FMN2: variants seen among roughly 807,000 people sequenced by gnomAD.
The protein encoded by FMN2 is formin-2.
In FMN2, 51 loss-of-function variants were observed where a neutral mutation model predicts 142.3. The ratio of observed to expected loss-of-function variants is 0.36; its 90% CI spans 0.29 to 0.45. The LOEUF (loss-of-function observed/expected upper bound fraction) is 0.45, where lower values mean the gene tolerates loss of function less well. FMN2 is among the 20% of genes least tolerant of loss of function. The pLI is 1.00. For missense variants in FMN2, 1,936 were observed against 2,122.8 expected (o/e 0.91, Z 1.73); for synonymous variants, 882 against 869.8 (o/e 1.01, Z -0.25).
At chr1:240,212,527 C>T (rs1311332993) in intron 6 of FMN2, among the ~76,000 whole-genome samples, 1 of 152,128 alleles carries the variant, frequency 6.6e-6, no homozygotes, top group African/African-American at 2.4e-5. Context: ...AATTAATCAG[C>T]TGACTAAGGG....
chr1:240,448,709 T>C (rs1011978285), intron 16 of FMN2, among the ~76,000 whole-genome samples: 2 of 152,046 alleles, frequency 1.3e-5, no homozygotes, highest in African/African-American at 4.8e-5. Flanking sequence ...TGGTCCCAGC[T>C]ACTTGGGAGG....
chr1:240,115,739 C>T (rs960512085), intron 1 of FMN2, among the ~76,000 whole-genome samples: 1 of 152,136 alleles, frequency 6.6e-6, no homozygotes, highest in African/African-American at 2.4e-5. Context: ...TGGCTTCCCT[C>T]AGGAAGCAAT....
chr1:240,402,585 T>C (rs1338776161), intron 15 of FMN2, among the ~76,000 whole-genome samples: 1 of 152,230 alleles, frequency 6.6e-6, no homozygotes, highest in African/African-American at 2.4e-5. Context: ...CGGCAGAATA[T>C]TGTTAAGGTT....
chr1:240,144,397 G>A (rs1228000093), intron 2 of FMN2: 24 of 1,605,878 alleles, frequency 1.5e-5, no homozygotes, highest in Non-Finnish European at 2.0e-5. Context: ...AGAAGTTGCT[G>A]TTGAGCTGTA....
chr1:240,390,532 A>G (rs1180870171), intron 14 of FMN2, among the ~76,000 whole-genome samples: 1 of 152,208 alleles, frequency 6.6e-6, no homozygotes, highest in Non-Finnish European at 1.5e-5. Flanking sequence ...GAAAAGCTGT[A>G]TGTGTTTTCT....
At chr1:240,218,562 T>TG (rs1553343154) in intron 6 of FMN2, among the ~76,000 whole-genome samples, 1 of 147,820 alleles carries the variant, frequency 6.8e-6, no homozygotes, top group East Asian at 2.0e-4. Context: ...ATCTCATCTC[T>TG]AAAAAAAAAA....
intron 14 of FMN2, among the ~76,000 whole-genome samples, chr1:240,392,115 G>GT (rs577730785): frequency 0.16 from 22,937 of 145,834 alleles, 2,166 homozygotes; most frequent in African/African-American, 0.28. Context: ...TCTGTTTAGG[G>GT]TTTTTTTTTT....
At chr1:240,204,751 C>CA (rs545441611) in intron 4 of FMN2, among the ~76,000 whole-genome samples, 240 of 145,832 alleles carry the variant, frequency 1.6e-3, no homozygotes, top group Middle Eastern at 7.0e-3. Flanking sequence ...AACTCCGTCG[C>CA]AAAAAAAAAA....
At chr1:240,220,491 C>T (rs915999067) in intron 6 of FMN2, among the ~76,000 whole-genome samples, 14 of 152,062 alleles carry the variant, frequency 9.2e-5, no homozygotes, top group Admixed American at 7.9e-4. Context: ...GAGAAGGGCC[C>T]TTTAAGGATC....
rs750828105 is a variant in FMN2, at chr1:240,329,394, C to T, written c.4363C>T (p.Leu1455=). The T allele has an allele frequency of 3.7e-6, 6 of 1,614,054 alleles. No homozygotes were observed. Among genetic ancestry groups the T allele is most frequent in the Non-Finnish European group, 3.4e-6 (4 of 1,179,954 alleles). ...PNFSERVFCI[L]FQSTFSESIC... ...CTTTTCAGAGCGAGTCTTTTGCATC[C>T]TGTTCCAGTCCACATTTTCAGAAAG... is the stretch of plus-strand genomic sequence containing the variant. The change falls in exon 10 of 18, where the codon CTG becomes TTG. Residue 1455 remains leucine, a synonymous_variant. Coordinates refer to ENST00000319653, the MANE Select transcript of FMN2 (RefSeq NM_020066.5).
At chr1:240,105,415 T>A (rs966027095) in intron 1 of FMN2, among the ~76,000 whole-genome samples, 2 of 152,156 alleles carry the variant, frequency 1.3e-5, no homozygotes, top group Non-Finnish European at 2.9e-5. Flanking sequence ...GGCCTCCATA[T>A]AAATTTAGAA....
At chr1:240,464,970 G>T (rs1253664209) in intron 16 of FMN2, among the ~76,000 whole-genome samples, 3 of 152,134 alleles carry the variant, frequency 2.0e-5, no homozygotes, top group Admixed American at 2.0e-4. Flanking sequence ...ATAAATAGGT[G>T]CCTGAGGAAG....
chr1:240,361,141 GTATATATATATATATA>G lies in FMN2; in HGVS notation c.4858+5262_4858+5277del, dbSNP rs202070560. Among the ~76,000 whole-genome samples, 66 of 43,240 alleles carry G rather than the reference GTATATATATATATATA, an allele frequency of 1.5e-3. 1 individual carries two copies. The highest frequency in any genetic ancestry group is 0.016 in the Middle Eastern group (1 of 64). 28.4% of individuals were successfully genotyped at this position (43,240 alleles called of 152,430 possible). ...ATAATAATAATAAATAAATATATGT[GTATATATATATATATA>G]TATATATATATATATATATATATAT... On this transcript the variant is annotated intron_variant, in intron 14 of 17. Transcript: ENST00000319653.
intron 8 of FMN2, among the ~76,000 whole-genome samples, chr1:240,301,333 AT>A: frequency 6.6e-6 from 1 of 151,860 alleles, no homozygotes; most frequent in South Asian, 2.1e-4. Context: ...CTCCTGCTCC[AT>A]TTAACTTATT....
chr1:240,376,597 G>A (rs1490697383), intron 14 of FMN2, among the ~76,000 whole-genome samples: 1 of 151,936 alleles, frequency 6.6e-6, no homozygotes, highest in Non-Finnish European at 1.5e-5. Flanking sequence ...CATAACAACT[G>A]TTTACATAGT....
intron 16 of FMN2, among the ~76,000 whole-genome samples, chr1:240,449,380 A>G (rs1675929172): frequency 1.3e-5 from 2 of 152,104 alleles, no homozygotes; most frequent in Admixed American, 1.3e-4. Context: ...TGCTTGCCAT[A>G]CAAGGTTGGC....
At chr1:240,357,298 C>G (rs1342814715) in intron 14 of FMN2, among the ~76,000 whole-genome samples, 1 of 152,148 alleles carries the variant, frequency 6.6e-6, no homozygotes, top group Admixed American at 6.5e-5. Context: ...CACTCTTATT[C>G]TTGGTCACAT....
chr1:240,450,891 C>T (rs1676014291), intron 16 of FMN2, among the ~76,000 whole-genome samples: 1 of 152,182 alleles, frequency 6.6e-6, no homozygotes, highest in Non-Finnish European at 1.5e-5. Flanking sequence ...CAAGCCACCT[C>T]CACCATGGCG....
intron 16 of FMN2, among the ~76,000 whole-genome samples, chr1:240,454,367 C>T (rs994655707): frequency 6.6e-6 from 1 of 152,064 alleles, no homozygotes; most frequent in Admixed American, 6.6e-5. Flanking sequence ...CATGGCAAAA[C>T]CCCATATCTA....
Sources: allele counts gnomAD v4.1 joint callset (sites outside exome capture counted in the v4.1 genomes callset), GRCh38; gene constraint gnomAD v4.1.1; transcripts MANE v1.5; gene names NCBI Gene and HGNC (gene_info 2026-07-23, HGNC 2026-07-21).